Variants in CHIC1 observed in about 807,000 individuals in gnomAD.
CHIC1 encodes cysteine rich hydrophobic domain 1.
A neutral mutation model predicts 18.5 loss-of-function variants in CHIC1; 7 were observed. The observed-to-expected ratio is 0.38, with a 90% CI of 0.22 to 0.71. The LOEUF (loss-of-function observed/expected upper bound fraction) is 0.71, where lower values mean the gene tolerates loss of function less well. CHIC1 is among the 30% of genes least tolerant of loss of function. CHIC1 has a pLI of 0.49. For missense variants in CHIC1, 159 were observed against 176.9 expected (o/e 0.90, Z 0.57); for synonymous variants, 77 against 73.5 (o/e 1.05, Z -0.25).
intron 2 of CHIC1, among the ~76,000 whole-genome samples, chrX:73,578,251 A>T (rs979739242): frequency 6.3e-5 from 7 of 110,867 alleles, no homozygotes; most frequent in African/African-American, 2.3e-4. Flanking sequence ...TATTTGGAAG[A>T]TCATCTTATG....
At chrX:73,651,347 T>C (rs768085884) in intron 3 of CHIC1, among the ~76,000 whole-genome samples, 5 of 110,821 alleles carry the variant, frequency 4.5e-5, no homozygotes, top group Non-Finnish European at 9.4e-5. Context: ...TCACCACTTT[T>C]TTTTCAACAT....
chrX:73,584,888 C>G (rs1282587577), intron 3 of CHIC1, among the ~76,000 whole-genome samples: 1 of 110,734 alleles, frequency 9.0e-6, no homozygotes, highest in Non-Finnish European at 1.9e-5. Context: ...AAGGTATTTC[C>G]AAGTTATAGG....
At chrX:73,655,327 C>T (rs1349486637) in intron 3 of CHIC1, among the ~76,000 whole-genome samples, 1 of 102,273 alleles carries the variant, frequency 9.8e-6, no homozygotes, top group Admixed American at 1.1e-4. Flanking sequence ...TACACACACA[C>T]TATATACACT....
chrX:73,614,841 T>C (rs1011518175), intron 3 of CHIC1, among the ~76,000 whole-genome samples: 1 of 110,852 alleles, frequency 9.0e-6, no homozygotes, highest in Non-Finnish European at 1.9e-5. Flanking sequence ...TATATCACTG[T>C]TTTAAATTCT....
In CHIC1 at chrX:73,605,071, G is replaced by A. The variant is rs979490997; in HGVS notation, c.507+20499G>A. ...AATATCGTTCTTAATTTTCTGTCTC[G>A]TTGATTTGTCTAATATTGACAGTGG... On this transcript the variant is annotated intron_variant, in intron 3 of 5. Coordinates refer to ENST00000373502, the MANE Select transcript of CHIC1 (RefSeq NM_001039840.4). Among the ~76,000 whole-genome samples, 8 of 107,793 alleles carry A rather than the reference G, an allele frequency of 7.4e-5. No homozygotes were observed. In the East Asian group the frequency reaches 1.1e-3, roughly 15 times the overall value. 93.6% of individuals were successfully genotyped at this position (107,793 alleles called of 115,157 possible). A position where few individuals can be genotyped will look rare whatever the true frequency, so the allele number is the denominator to read the frequency against.
chrX:73,600,015 G>A, intron 3 of CHIC1, among the ~76,000 whole-genome samples: 1 of 101,046 alleles, frequency 9.9e-6, no homozygotes, highest in African/African-American at 4.2e-5. Context: ...TCGTTGAGCA[G>A]TGGTTTGTAG....
intron 3 of CHIC1, among the ~76,000 whole-genome samples, chrX:73,668,723 G>A (rs1569505420): frequency 8.9e-6 from 1 of 111,775 alleles, no homozygotes; most frequent in Non-Finnish European, 1.9e-5. Context: ...TATTCCTCTG[G>A]AAGCTCCATT....
Position 73,563,585 on chromosome X carries a change from G to A in CHIC1, c.296+5G>A. 1.9e-6 allele frequency: 2 copies of A among 1,067,289 alleles called. No individual in the cohort carries two copies. The highest frequency in any genetic ancestry group is 1.2e-6 in the Non-Finnish European group (1 of 823,079). The allele number at this position is 1,067,289 out of a possible 1,213,427, so 88.0% of individuals were successfully genotyped here. A position where few individuals can be genotyped will look rare whatever the true frequency, so the allele number is the denominator to read the frequency against. On this transcript the variant is annotated splice_donor_5th_base_variant and intron_variant, in intron 1 of 5. Coordinates refer to ENST00000373502, the MANE Select transcript of CHIC1 (RefSeq NM_001039840.4). ...GGGTGCCGGCCACATCACTGTGTAA[G>A]CGAGAGGGGGTCTTGGGACTTGAAA...
chrX:73,592,164 T>G (rs2057585146), intron 3 of CHIC1, among the ~76,000 whole-genome samples: 1 of 111,058 alleles, frequency 9.0e-6, no homozygotes, highest in Admixed American at 9.6e-5. Context: ...TAGTTTCACT[T>G]TTTTACCTAT....
intron 5 of CHIC1, 114 bp downstream of exon 5, chrX:73,679,827 C>A: frequency 2.6e-6 from 1 of 377,885 alleles, no homozygotes; most frequent in Non-Finnish European, 4.4e-6. Flanking sequence ...GAACTTTTGT[C>A]CATTGAAATA....
chrX:73,642,952 C>T (rs776961776), intron 3 of CHIC1, among the ~76,000 whole-genome samples: 18 of 110,950 alleles, frequency 1.6e-4, no homozygotes, highest in East Asian at 8.5e-4. Flanking sequence ...AGTCAGGTAG[C>T]GTGATGCCTC....
At chrX:73,591,287 G>A (rs1413085117) in intron 3 of CHIC1, among the ~76,000 whole-genome samples, 1 of 110,246 alleles carries the variant, frequency 9.1e-6, no homozygotes, top group East Asian at 2.9e-4. Flanking sequence ...TAATGACATG[G>A]GTACAGGATG....
At chrX:73,674,098 C>T (rs2058048115) in intron 3 of CHIC1, among the ~76,000 whole-genome samples, 1 of 111,744 alleles carries the variant, frequency 8.9e-6, no homozygotes, top group African/African-American at 3.3e-5. Context: ...AGGGAAGAAG[C>T]CGACTTGATC....
chrX:73,641,816 A>G (rs772931267), intron 3 of CHIC1, among the ~76,000 whole-genome samples: 18 of 110,623 alleles, frequency 1.6e-4, no homozygotes, highest in African/African-American at 5.0e-4. Context: ...ATGATTTCCA[A>G]TTTCATCCAT....
rs374117590 is a variant in CHIC1, at chrX:73,600,819, C to T, written c.507+16247C>T. 1.1e-3 allele frequency among the ~76,000 whole-genome samples: 114 copies of T among 106,210 alleles called. 7 individuals are homozygous for T. The highest frequency in any genetic ancestry group is 9.8e-3 in the East Asian group (34 of 3,469). 92.2% of individuals were successfully genotyped at this position (106,210 alleles called of 115,157 possible). ...TGCTGTATTCAGGAAACCCATCTCA[C>T]GTGCAGAGACACACATAGGCTCAAA... On this transcript the variant is annotated intron_variant, in intron 3 of 5. Coordinates refer to ENST00000373502, the MANE Select transcript of CHIC1 (RefSeq NM_001039840.4).
chrX:73,642,112 C>T (rs1361653005), intron 3 of CHIC1, among the ~76,000 whole-genome samples: 1 of 111,683 alleles, frequency 9.0e-6, no homozygotes, highest in African/African-American at 3.3e-5. Flanking sequence ...CCACAAGGAT[C>T]GAACTAGTTT....
chrX:73,685,267 C>T lies in CHIC1; in HGVS notation c.*4262C>T, dbSNP rs771880982. The T allele has an allele frequency of 8.1e-5, 9 of 111,404 alleles. No homozygotes were observed. The East Asian group carries it at 2.6e-3, about 32-fold the overall frequency. The allele number at this position is 111,404 out of a possible 1,213,427, so 9.2% of individuals were successfully genotyped here. On this transcript the variant is annotated 3_prime_UTR_variant, in exon 6 of 6. Transcript: ENST00000373502. ...CCTGATGCTTGCTAGACCTTAGTTC[C>T]TTGGTGATGCTAAGAGTAAATGTAG... is the stretch of plus-strand genomic sequence containing the variant.
intron 3 of CHIC1, among the ~76,000 whole-genome samples, chrX:73,641,265 A>G (rs777797441): frequency 2.7e-5 from 3 of 110,801 alleles, no homozygotes; most frequent in Non-Finnish European, 5.7e-5. Context: ...TGTGTGGTCA[A>G]TTTTATAATA....
At chrX:73,659,479 C>T (rs754356660) in intron 3 of CHIC1, among the ~76,000 whole-genome samples, 16 of 105,020 alleles carry the variant, frequency 1.5e-4, no homozygotes, top group African/African-American at 4.6e-4. Flanking sequence ...GGACAGGGCA[C>T]GTTCTAAGGT....
Sources: gnomAD v4.1 joint callset for allele counts (sites outside exome capture counted in the v4.1 genomes callset) on GRCh38, gnomAD v4.1.1 for gene constraint, MANE v1.5 for transcripts, NCBI Gene and HGNC (gene_info 2026-07-23, HGNC 2026-07-21) for gene names.